ALMS1: variants seen among roughly 807,000 people sequenced by gnomAD.
The protein encoded by ALMS1 is centrosome-associated protein ALMS1.
A neutral mutation model predicts 352.2 loss-of-function variants in ALMS1; 271 were observed. The ratio of observed to expected loss-of-function variants is 0.77; its 90% CI spans 0.70 to 0.85. ALMS1 has a LOEUF of 0.85. ALMS1 is among the 40% of genes least tolerant of loss of function. The pLI is 0.00. For missense variants in ALMS1, 5,445 were observed against 4,870.7 expected (o/e 1.12, Z -3.51); for synonymous variants, 1,865 against 1,761.2 (o/e 1.06, Z -1.48).
chr2:73,560,914 C>T (rs1169619105), intron 15 of ALMS1, among the ~76,000 whole-genome samples: 1 of 152,184 alleles, frequency 6.6e-6, no homozygotes, highest in Non-Finnish European at 1.5e-5. Flanking sequence ...TTATTGAGTG[C>T]ACTCAGGCCC....
chr2:73,513,046 A>G (rs1452319979), intron 10 of ALMS1, among the ~76,000 whole-genome samples: 1 of 152,210 alleles, frequency 6.6e-6, no homozygotes, highest in Non-Finnish European at 1.5e-5. Context: ...TTCATATCTA[A>G]TAGTGAGTAA....
In ALMS1 at chr2:73,572,943, C is replaced by T. The variant is rs376708284; in HGVS notation, c.11066C>T (p.Thr3689Ile). Residue 3689 changes from threonine (T) to isoleucine (I), a missense_variant, in exon 16 of 23, where the codon ACA (threonine) becomes ATA (isoleucine). Coordinates refer to ENST00000613296, the MANE Select transcript of ALMS1 (RefSeq NM_001378454.1). ...AGCCTAGAGAAAAGCCATAAAAATACAGGCGAGCTTAAAAAAAGCAAGGTG... is the reference window on the plus strand; with the variant it reads ...AGCCTAGAGAAAAGCCATAAAAATATAGGCGAGCTTAAAAAAAGCAAGGTG... ...FKSLEKSHKNTGELKKSKVLS... is the reference protein window; with the variant it reads ...FKSLEKSHKNIGELKKSKVLS... 9 of 1,613,984 alleles carry T rather than the reference C, an allele frequency of 5.6e-6. No homozygotes were observed. Among genetic ancestry groups the T allele is most frequent in the Non-Finnish European group, 7.6e-6 (9 of 1,180,008 alleles).
At chr2:73,563,497 C>T (rs994224803) in intron 15 of ALMS1, among the ~76,000 whole-genome samples, 1 of 151,558 alleles carries the variant, frequency 6.6e-6, no homozygotes, top group Non-Finnish European at 1.5e-5. Flanking sequence ...CTGAGGCGGG[C>T]GGATTAAGAG....
At chr2:73,432,325 T>A in intron 7 of ALMS1, 34 bp downstream of exon 7, 1 of 1,484,924 alleles carries the variant, frequency 6.7e-7, no homozygotes, top group East Asian at 2.3e-5. Context: ...AATGTCCTAC[T>A]TACGGATACC....
chr2:73,497,279 TTTC>T (rs2103911507), intron 10 of ALMS1, among the ~76,000 whole-genome samples: 1 of 152,206 alleles, frequency 6.6e-6, no homozygotes, highest in Admixed American at 6.5e-5. Flanking sequence ...TAGATATGGG[TTTC>T]TTCTTTTTTT....
At position 73,456,480 on chromosome 2, in the gene ALMS1, A is replaced by C. The variant is rs116479272; in HGVS notation, c.7674+1185A>C. ...GTTTTGGTGTGGATTATGTGAGATAATGCCTATAAAATGCTTAGTAGAACG... is the reference window on the plus strand; with the variant it reads ...GTTTTGGTGTGGATTATGTGAGATACTGCCTATAAAATGCTTAGTAGAACG... On this transcript the variant is annotated intron_variant, in intron 9 of 22. Coordinates refer to ENST00000613296, the MANE Select transcript of ALMS1 (RefSeq NM_001378454.1). Among the ~76,000 whole-genome samples, 965 of 152,294 alleles carry C rather than the reference A, an allele frequency of 6.3e-3. 10 individuals are homozygous for C. Among genetic ancestry groups the C allele is most frequent in the African/African-American group, 0.021 (854 of 41,552 alleles).
intron 7 of ALMS1, among the ~76,000 whole-genome samples, chr2:73,447,655 C>G (rs901946930): frequency 2.0e-5 from 3 of 152,098 alleles, no homozygotes; most frequent in Admixed American, 2.0e-4. Flanking sequence ...AATCCTAGAC[C>G]CAATAGCATT....
At chr2:73,572,163 C>G (rs1674942110) in intron 15 of ALMS1, 99 bp from the exon 16 acceptor site, 1 of 1,036,634 alleles carries the variant, frequency 9.6e-7, no homozygotes, top group Non-Finnish European at 1.4e-6. Context: ...CTATTCTTTC[C>G]TTTAGTCTTT....
chr2:73,464,734 C>T (rs1672291822), intron 9 of ALMS1, among the ~76,000 whole-genome samples: 1 of 152,124 alleles, frequency 6.6e-6, no homozygotes, highest in Non-Finnish European at 1.5e-5. Context: ...AGCTGATAAG[C>T]AACTTCAGCA....
chr2:73,491,156 A>G lies in ALMS1; in HGVS notation c.9197A>G (p.Glu3066Gly). The change falls in exon 10 of 23, where the codon GAA (glutamate) becomes GGA (glycine). Residue 3066 changes from glutamate to glycine, a missense_variant. Transcript: ENST00000613296. ...SSKLDSGTLD[E>G]RFHSLDAASK... ...AAGTTGGATAGTGGAACTTTAGATG[A>G]AAGATTCCATTCATTGGATGCTGCT... The G allele has an allele frequency of 6.2e-7, 1 of 1,614,160 alleles. No homozygotes were observed. The highest frequency in any genetic ancestry group is 1.1e-5 in the South Asian group (1 of 91,074).
At chr2:73,563,830 G>A (rs1358054752) in intron 15 of ALMS1, among the ~76,000 whole-genome samples, 7 of 151,854 alleles carry the variant, frequency 4.6e-5, no homozygotes, top group Admixed American at 1.3e-4. Context: ...GGGATTGGAC[G>A]GTGGAATTTG....
At chr2:73,504,361 C>T (rs1673278406) in intron 10 of ALMS1, among the ~76,000 whole-genome samples, 1 of 152,174 alleles carries the variant, frequency 6.6e-6, no homozygotes, top group Admixed American at 6.5e-5. Context: ...CAGAAGTGCT[C>T]TGTCACTGTG....
chr2:73,386,326 A>G, intron 1 of ALMS1, 134 bp downstream of exon 1: 2 of 1,267,592 alleles, frequency 1.6e-6, no homozygotes, highest in South Asian at 1.6e-5. Flanking sequence ...TAGGCGGCCC[A>G]GACTCCAGCC....
At chr2:73,530,419 C>T (rs1673884245) in intron 11 of ALMS1, among the ~76,000 whole-genome samples, 1 of 152,220 alleles carries the variant, frequency 6.6e-6, no homozygotes, top group African/African-American at 2.4e-5. Context: ...GTCATACATC[C>T]AGGGCATGCT....
chr2:73,439,936 A>G lies in ALMS1; in HGVS notation c.1432+7645A>G, dbSNP rs577541221. 2.6e-5 allele frequency among the ~76,000 whole-genome samples: 4 copies of G among 152,108 alleles called. No individual in the cohort carries two copies. The South Asian group carries it at 6.2e-4, about 24-fold the overall frequency. ...CCTGTTTCTCTTGTCTTGCCTTACT[A>G]TGGGTTTCATGAACATACTTTAGAA... On this transcript the variant is annotated intron_variant, in intron 7 of 22. Coordinates refer to ENST00000613296, the MANE Select transcript of ALMS1 (RefSeq NM_001378454.1).
intron 9 of ALMS1, among the ~76,000 whole-genome samples, chr2:73,468,842 G>C (rs1672411243): frequency 6.6e-6 from 1 of 151,764 alleles, no homozygotes; most frequent in Non-Finnish European, 1.5e-5. Context: ...TTTTCTATTT[G>C]TTTTCTACAT....
At chr2:73,461,096 C>G (rs1672188878) in intron 9 of ALMS1, among the ~76,000 whole-genome samples, 1 of 152,242 alleles carries the variant, frequency 6.6e-6, no homozygotes, top group South Asian at 2.1e-4. Flanking sequence ...AGTAGTGGTT[C>G]TCCCAGCACG....
At chr2:73,557,409 C>CTA (rs1674570136) in intron 14 of ALMS1, 55 bp downstream of exon 14, 1 of 1,608,556 alleles carries the variant, frequency 6.2e-7, no homozygotes, top group Admixed American at 1.7e-5. Context: ...TAAAATGAGA[C>CTA]TATTCCCTTA....
At chr2:73,590,265 T>C (rs547056320) in intron 16 of ALMS1, among the ~76,000 whole-genome samples, 11 of 152,304 alleles carry the variant, frequency 7.2e-5, no homozygotes, top group South Asian at 6.2e-4. Flanking sequence ...TGAGAAAATA[T>C]ATGGAAAATT....
Sources: allele counts gnomAD v4.1 joint callset (sites outside exome capture counted in the v4.1 genomes callset), GRCh38; gene constraint gnomAD v4.1.1; transcripts MANE v1.5; gene names NCBI Gene and HGNC (gene_info 2026-07-23, HGNC 2026-07-21).